Variants in FGF13 observed in about 807,000 individuals in gnomAD.
The protein encoded by FGF13 is fibroblast growth factor 13, also known as fibroblast growth factor homologous factor 2.
A neutral mutation model predicts 19.5 loss-of-function variants in FGF13; 2 were observed. The ratio of observed to expected loss-of-function variants is 0.10; its 90% CI spans 0.04 to 0.32. FGF13 has a LOEUF of 0.32. FGF13 is among the 10% of genes least tolerant of loss of function. FGF13 has a pLI of 1.00. For missense variants in FGF13, 113 were observed against 192.7 expected (o/e 0.59, Z 2.45); for synonymous variants, 72 against 76.9 (o/e 0.94, Z 0.33).
At chrX:138,778,782 C>G (rs773534570) in intron 3 of FGF13, among the ~76,000 whole-genome samples, 1 of 112,731 alleles carries the variant, frequency 8.9e-6, no homozygotes, top group Non-Finnish European at 1.9e-5. Context: ...GTAAACAAAG[C>G]AGCCCGGAAG....
Position 138,711,083 on chromosome X carries a change from T to A in FGF13, c.-80A>T. 8.5e-7 allele frequency: 1 copy of A among 1,170,725 alleles called. No homozygotes were observed. Among genetic ancestry groups the A allele is most frequent in the Non-Finnish European group, 1.1e-6 (1 of 879,090 alleles). On this transcript the variant is annotated 5_prime_UTR_variant, in exon 1 of 5. Transcript: ENST00000315930. ...CCTCCTCCTTCTCCTCCGCTGCTTG[T>A]CCGCTGTCTCGCGACTTCGCCGCTT...
At chrX:139,056,799 G>A (rs1660399832) in intron 1 of FGF13, among the ~76,000 whole-genome samples, 2 of 112,338 alleles carry the variant, frequency 1.8e-5, no homozygotes, top group African/African-American at 6.5e-5. Context: ...TTAAATGATA[G>A]TAGTTTTCAG....
At chrX:139,162,603 T>C (rs5974802) in intron 1 of FGF13, among the ~76,000 whole-genome samples, 12,782 of 111,155 alleles carry the variant, frequency 0.11, 1,189 homozygotes, top group African/African-American at 0.32. Flanking sequence ...AGTGAACAGG[T>C]ACCCTACAGA....
intron 1 of FGF13, among the ~76,000 whole-genome samples, chrX:139,148,152 C>A (rs949693344): frequency 9.0e-6 from 1 of 111,081 alleles, no homozygotes; most frequent in Non-Finnish European, 1.9e-5. Context: ...TACTTAGACA[C>A]TTACCAACCA....
chrX:138,849,909 T>C (rs561642566), intron 3 of FGF13, among the ~76,000 whole-genome samples: 2 of 111,872 alleles, frequency 1.8e-5, no homozygotes, highest in South Asian at 7.4e-4. Flanking sequence ...CAAAGCACTT[T>C]CGCAGATAAG....
chrX:139,141,318 C>T (rs1303035548), intron 1 of FGF13, among the ~76,000 whole-genome samples: 5 of 111,832 alleles, frequency 4.5e-5, no homozygotes, highest in Non-Finnish European at 9.4e-5. Flanking sequence ...CCCTCAGAGC[C>T]GAGGACAATG....
intron 3 of FGF13, among the ~76,000 whole-genome samples, chrX:138,694,602 C>T (rs749447369): frequency 5.6e-5 from 6 of 107,290 alleles, no homozygotes; most frequent in Admixed American, 3.0e-4. Context: ...AGGCGCCTGC[C>T]ACCAAGCCCG....
intron 3 of FGF13, among the ~76,000 whole-genome samples, chrX:138,815,948 T>C (rs994855852): frequency 6.3e-5 from 7 of 110,672 alleles, no homozygotes; most frequent in Middle Eastern, 4.2e-3. Flanking sequence ...ATAAAACAAA[T>C]GATTGTTAAA....
At chrX:138,729,619 G>T (rs889910054) in intron 1 of FGF13, among the ~76,000 whole-genome samples, 1 of 109,663 alleles carries the variant, frequency 9.1e-6, no homozygotes, top group South Asian at 3.8e-4. Context: ...GCCAAGAATT[G>T]TTCAAAATCA....
chrX:139,049,144 C>T (rs1399916825), intron 1 of FGF13, among the ~76,000 whole-genome samples: 2 of 110,702 alleles, frequency 1.8e-5, no homozygotes, highest in African/African-American at 6.6e-5. Flanking sequence ...CATATTCTCA[C>T]TCATATGTGG....
At chrX:138,785,129 T>C (rs1462143245) in intron 3 of FGF13, among the ~76,000 whole-genome samples, 1 of 111,907 alleles carries the variant, frequency 8.9e-6, no homozygotes, top group Non-Finnish European at 1.9e-5. Flanking sequence ...ATGATGACCT[T>C]TACTCAATTG....
At chrX:138,748,901 TAA>T (rs960463444) in intron 3 of FGF13, among the ~76,000 whole-genome samples, 4 of 111,601 alleles carry the variant, frequency 3.6e-5, no homozygotes, top group African/African-American at 9.8e-5. Context: ...ATGAAAGAAA[TAA>T]GAGGCAAAAT....
At chrX:138,725,795 T>G (rs1040133542) in intron 1 of FGF13, among the ~76,000 whole-genome samples, 3 of 111,164 alleles carry the variant, frequency 2.7e-5, no homozygotes, top group African/African-American at 9.8e-5. Flanking sequence ...CCCACAACCC[T>G]CCTGTAAAAA....
intron 3 of FGF13, among the ~76,000 whole-genome samples, chrX:138,755,875 C>A (rs748552429): frequency 2.7e-5 from 3 of 112,008 alleles, no homozygotes; most frequent in Non-Finnish European, 5.6e-5. Flanking sequence ...CAATACCTCA[C>A]AATGTGACTA....
intron 1 of FGF13, among the ~76,000 whole-genome samples, chrX:139,099,755 T>A (rs897719434): frequency 9.0e-6 from 1 of 111,658 alleles, no homozygotes; most frequent in South Asian, 3.7e-4. Flanking sequence ...ATTTGACCTG[T>A]TTGAAACACT....
chrX:138,767,116 A>T (rs1427902508), intron 3 of FGF13, among the ~76,000 whole-genome samples: 3 of 111,622 alleles, frequency 2.7e-5, no homozygotes, highest in African/African-American at 9.8e-5. Context: ...GTTTTCTGCT[A>T]TATGATGTGA....
chrX:138,620,964 G>T lies in FGF13; in HGVS notation c.*11886C>A, dbSNP rs914878629. ...TTGAATATATACACACCCAACATTG[G>T]ATCACCTAAATATATAAAGCAGGTA... On this transcript the variant is annotated 3_prime_UTR_variant, in exon 5 of 5. Coordinates refer to ENST00000315930, the MANE Select transcript of FGF13 (RefSeq NM_004114.5). The T allele has an allele frequency of 8.1e-5, 9 of 111,435 alleles. No individual in the cohort carries two copies. The highest frequency in any genetic ancestry group is 6.7e-4 in the Admixed American group (7 of 10,472). The allele number at this position is 111,435 out of a possible 1,213,427, so 9.2% of individuals were successfully genotyped here.
At chrX:138,855,962 CTGTGTGTG>C (rs35763167), downstream of FGF13, among the ~76,000 whole-genome samples, 6 of 101,329 alleles carry the variant, frequency 5.9e-5, no homozygotes, top group South Asian at 4.4e-4. Flanking sequence ...AGTACAAAAA[CTGTGTGTG>C]TGTGTGTGTG....
At chrX:139,049,214 G>A (rs1435875636) in intron 1 of FGF13, among the ~76,000 whole-genome samples, 1 of 111,213 alleles carries the variant, frequency 9.0e-6, no homozygotes, top group Non-Finnish European at 1.9e-5. Context: ...CAGGGGCTGA[G>A]AAGGGTAGTG....
Sources: allele counts gnomAD v4.1 joint callset (sites outside exome capture counted in the v4.1 genomes callset), GRCh38; gene constraint gnomAD v4.1.1; transcripts MANE v1.5; gene names NCBI Gene and HGNC (gene_info 2026-07-23, HGNC 2026-07-21).